The following PCDHA2 variants were observed in gnomAD, a reference collection of about 807,000 sequenced individuals.
The protein encoded by PCDHA2 is protocadherin alpha 2.
A neutral mutation model predicts 66.0 loss-of-function variants in PCDHA2; 58 were observed. The ratio of observed to expected loss-of-function variants is 0.88; its 90% CI spans 0.71 to 1.09. PCDHA2 has a LOEUF of 1.09. PCDHA2 is among the 50% of genes least tolerant of loss of function. The probability of loss-of-function intolerance (pLI) is 0.00; values close to 1 mark genes in which losing one functional copy is unlikely to be tolerated. For synonymous variants in PCDHA2, 634 were observed against 554.0 expected (o/e 1.14, Z -2.03); for missense variants, 1,267 against 1,242.3 (o/e 1.02, Z -0.30).
intron 1 of PCDHA2, chr5:140,809,257 T>G (rs1764409596): frequency 6.2e-7 from 1 of 1,614,092 alleles, no homozygotes; most frequent in Non-Finnish European, 8.5e-7. Context: ...TGGGTCCCGA[T>G]GCTGCGCTGG....
At position 140,807,381 on chromosome 5, in the gene PCDHA2, G is replaced by A. The variant is rs148298330; in HGVS notation, c.2388+10029G>A. 262 of 1,603,446 alleles carry A rather than the reference G, an allele frequency of 1.6e-4. No homozygotes were observed. The African/African-American group carries it at 2.9e-3, about 18-fold the overall frequency. ...GCGGAGCTGGTGCCGCGCCTGTTCCGGGTGGCGTCCAAGGGCCGCGGAGGC... is the reference window on the plus strand; with the variant it reads ...GCGGAGCTGGTGCCGCGCCTGTTCCAGGTGGCGTCCAAGGGCCGCGGAGGC... On this transcript the variant is annotated intron_variant, in intron 1 of 3. Transcript: ENST00000526136.
At chr5:141,002,907 A>T (rs1201381868) in intron 3 of PCDHA2, among the ~76,000 whole-genome samples, 1 of 152,210 alleles carries the variant, frequency 6.6e-6, no homozygotes, top group Non-Finnish European at 1.5e-5. Flanking sequence ...TGAAGAGAAG[A>T]TCAGAAAAGT....
At chr5:140,798,057 GT>G (rs1263561993) in intron 1 of PCDHA2, among the ~76,000 whole-genome samples, 6 of 152,018 alleles carry the variant, frequency 3.9e-5, no homozygotes, top group Admixed American at 3.3e-4. Context: ...TAGAGACGGG[GT>G]TGGTCTCAAC....
chr5:140,797,241 C>T lies in PCDHA2; in HGVS notation c.2277C>T (p.Cys759=). The T allele has an allele frequency of 6.2e-7, 1 of 1,614,200 alleles. No individual in the cohort carries two copies. The highest frequency in any genetic ancestry group is 8.5e-7 in the Non-Finnish European group (1 of 1,180,040). Residue 759 remains cysteine (C), a synonymous_variant, in exon 1 of 4, where the codon TGC becomes TGT. Transcript: ENST00000526136. The stretch of plus-strand genomic sequence containing the variant: ...CGCAGCAGAGGCGGCAGAGGGTGTG[C>T]TCTGGGGAGGACCCCCCCAAGACGG... ...SYSQQRRQRV[C]SGEDPPKTDL...
intron 1 of PCDHA2, chr5:140,849,736 AC>A: frequency 1.3e-6 from 2 of 1,598,292 alleles, no homozygotes; most frequent in Non-Finnish European, 1.7e-6. Flanking sequence ...AGAGCTCTGG[AC>A]CGCGAGAGTG....
chr5:140,933,734 T>C (rs1355766834), intron 1 of PCDHA2, among the ~76,000 whole-genome samples: 2 of 152,062 alleles, frequency 1.3e-5, no homozygotes, highest in Admixed American at 6.5e-5. Flanking sequence ...CTTTCTTAAA[T>C]ATTTGGTAGA....
rs17844361 is a variant in PCDHA2, at chr5:140,927,747, C to T, written c.2389-51202C>T. ...AAGCAGAGCTGCGACACCGCTTTCA[C>T]GTGCACCCTAAAAGTGGGGAGGTGC... On this transcript the variant is annotated intron_variant, in intron 1 of 3. Coordinates refer to ENST00000526136, the MANE Select transcript of PCDHA2 (RefSeq NM_018905.3). 465 of 1,614,224 alleles carry T rather than the reference C, an allele frequency of 2.9e-4. No homozygotes were observed. In the East Asian group the frequency reaches 8.6e-3, roughly 30 times the overall value.
chr5:140,978,188 C>A (rs1480380395), intron 1 of PCDHA2, among the ~76,000 whole-genome samples: 2 of 152,176 alleles, frequency 1.3e-5, no homozygotes, highest in Non-Finnish European at 2.9e-5. Context: ...GGCAACAGAT[C>A]TTTTCAATAC....
intron 1 of PCDHA2, chr5:140,841,844 CATG>C (rs2150323969): frequency 6.2e-7 from 1 of 1,613,842 alleles, no homozygotes; most frequent in Non-Finnish European, 8.5e-7. Flanking sequence ...GCTTAGCTCT[CATG>C]ATTACTTCAT....
At chr5:140,895,968 G>A (rs190056652) in intron 1 of PCDHA2, among the ~76,000 whole-genome samples, 2 of 151,938 alleles carry the variant, frequency 1.3e-5, no homozygotes, top group African/African-American at 2.4e-5. Context: ...CTGTCACCAG[G>A]CCTAGCTAAT....
intron 1 of PCDHA2, among the ~76,000 whole-genome samples, chr5:140,917,197 C>T (rs928492760): frequency 2.6e-5 from 4 of 152,236 alleles, no homozygotes; most frequent in African/African-American, 7.2e-5. Flanking sequence ...TCTCTCCAAC[C>T]CTCTTCAATG....
rs1777904033 is a variant in PCDHA2, at chr5:140,842,379, C to G, written c.2388+45027C>G. 1.9e-6 allele frequency: 3 copies of G among 1,609,878 alleles called. No individual in the cohort carries two copies. In the Admixed American group the frequency reaches 5.0e-5, roughly 27 times the overall value. On this transcript the variant is annotated intron_variant, in intron 1 of 3. Coordinates refer to ENST00000526136, the MANE Select transcript of PCDHA2 (RefSeq NM_018905.3). Reference sequence around the variant, plus strand: ...GATAACGTCCCTGAGATAGCACTGACTTCCTTATCCTTGCCTGTACGTGAA... The same window carrying G: ...GATAACGTCCCTGAGATAGCACTGAGTTCCTTATCCTTGCCTGTACGTGAA...
intron 3 of PCDHA2, among the ~76,000 whole-genome samples, chr5:140,993,754 A>T (rs1253767297): frequency 6.6e-6 from 1 of 152,170 alleles, no homozygotes; most frequent in African/African-American, 2.4e-5. Context: ...ACTTGCCATT[A>T]TATTACAATT....
At chr5:140,838,854 C>T (rs1775911734) in intron 1 of PCDHA2, among the ~76,000 whole-genome samples, 1 of 151,798 alleles carries the variant, frequency 6.6e-6, no homozygotes, top group African/African-American at 2.4e-5. Flanking sequence ...CCAGGGAGGT[C>T]CAAGCTGCAG....
chr5:140,872,850 G>A (rs1439631581), intron 1 of PCDHA2, among the ~76,000 whole-genome samples: 2 of 152,084 alleles, frequency 1.3e-5, no homozygotes, highest in East Asian at 3.8e-4. Context: ...ATATATTAAT[G>A]TGAGTACCTA....
chr5:140,917,256 T>C (rs1043140553), intron 1 of PCDHA2, among the ~76,000 whole-genome samples: 6 of 151,524 alleles, frequency 4.0e-5, no homozygotes, highest in African/African-American at 7.3e-5. Context: ...ATTGCTCACC[T>C]GATGTTTGGT....
chr5:140,835,795 G>GC, intron 1 of PCDHA2: 1 of 1,613,068 alleles, frequency 6.2e-7, no homozygotes, highest in Admixed American at 1.7e-5. Flanking sequence ...AACCCGCCGG[G>GC]CTGCCACATC....
At chr5:140,914,445 T>C (rs782813943) in intron 1 of PCDHA2, among the ~76,000 whole-genome samples, 1 of 152,200 alleles carries the variant, frequency 6.6e-6, no homozygotes, top group South Asian at 2.1e-4. Flanking sequence ...CCCATGTCTT[T>C]ATTTTCCAGT....
chr5:140,823,367 A>G (rs2150125075), intron 1 of PCDHA2: 2 of 1,612,856 alleles, frequency 1.2e-6, no homozygotes, highest in Non-Finnish European at 1.7e-6. Flanking sequence ...GAGCTGCTGC[A>G]GTTCCAGGTG....
Sources: gnomAD v4.1 joint callset for allele counts (sites outside exome capture counted in the v4.1 genomes callset) on GRCh38, gnomAD v4.1.1 for gene constraint, MANE v1.5 for transcripts, NCBI Gene and HGNC (gene_info 2026-07-23, HGNC 2026-07-21) for gene names.